The following CAST variants were observed in gnomAD, a reference collection of about 807,000 sequenced individuals.
The protein encoded by CAST is calpastatin.
CAST carries 76 observed loss-of-function variants against 119.6 expected under a neutral mutation model. The observed-to-expected ratio is 0.64, with a 90% CI of 0.53 to 0.77. CAST has a LOEUF of 0.77. Ranked by LOEUF, CAST falls within the 30% of genes least tolerant of loss-of-function variation. The pLI, the probability that CAST is intolerant of heterozygous loss-of-function variation, is 0.00. For missense variants in CAST, 953 were observed against 946.5 expected, an observed-to-expected ratio of 1.01 and a Z score of -0.09; for synonymous variants, 319 against 331.6, an observed-to-expected ratio of 0.96 and a Z score of 0.41.
At chr5:96,737,613 T>C (rs1309247515) in intron 10 of CAST, among the ~76,000 whole-genome samples, 1 of 152,224 alleles carries the variant, frequency 6.6e-6, no homozygotes, top group Non-Finnish European at 1.5e-5. Flanking sequence ...TGTAGACTTG[T>C]TGAAACTGTG....
At chr5:96,716,895 T>G (rs1248657603) in intron 3 of CAST, among the ~76,000 whole-genome samples, 1 of 152,184 alleles carries the variant, frequency 6.6e-6, no homozygotes, top group Non-Finnish European at 1.5e-5. Flanking sequence ...GATAAGAAAC[T>G]AGATGCTCAG....
the CAST span, among the ~76,000 whole-genome samples, chr5:96,424,198 A>G: frequency 6.6e-6 from 1 of 152,208 alleles, no homozygotes; most frequent in African/African-American, 2.4e-5. Context: ...TAAGAAATCT[A>G]TAAATAACCA....
At chr5:96,526,921 GA>G (rs1209616507), upstream of CAST, among the ~76,000 whole-genome samples, 1 of 152,308 alleles carries the variant, frequency 6.6e-6, no homozygotes, top group East Asian at 1.9e-4. Flanking sequence ...GCAGGAGAAG[GA>G]GAAAAGGAAA....
chr5:96,489,191 T>C, the CAST span, among the ~76,000 whole-genome samples: 2 of 149,370 alleles, frequency 1.3e-5, no homozygotes, highest in African/African-American at 4.9e-5. Flanking sequence ...CAAACTCTTG[T>C]CTTGTTTTTT....
At chr5:96,447,306 C>A in the CAST span, among the ~76,000 whole-genome samples, 1 of 152,220 alleles carries the variant, frequency 6.6e-6, no homozygotes, top group African/African-American at 2.4e-5. Context: ...CTTGAGGAAG[C>A]TTAAACCCAT....
the CAST span, among the ~76,000 whole-genome samples, chr5:96,289,422 A>T: frequency 6.6e-6 from 1 of 152,130 alleles, no homozygotes; most frequent in African/African-American, 2.4e-5. Flanking sequence ...GCAAGAGATA[A>T]TTGAATCATG....
At chr5:96,735,624 A>G (rs1290034944) in intron 9 of CAST, among the ~76,000 whole-genome samples, 1 of 152,236 alleles carries the variant, frequency 6.6e-6, no homozygotes, top group African/African-American at 2.4e-5. Flanking sequence ...TCCAAGGGTC[A>G]AATTTCAGAG....
At chr5:96,017,614 CTT>C in the CAST span, among the ~76,000 whole-genome samples, 10 of 152,268 alleles carry the variant, frequency 6.6e-5, no homozygotes, top group African/African-American at 1.9e-4. Context: ...TTATATAACA[CTT>C]GACATCATTA....
chr5:96,531,867 A>G (rs1745695645), intron 1 of CAST, among the ~76,000 whole-genome samples: 1 of 152,206 alleles, frequency 6.6e-6, no homozygotes, highest in Non-Finnish European at 1.5e-5. Context: ...TTAAAATGTG[A>G]CTTCAAAATA....
chr5:96,307,931 T>A, the CAST span, among the ~76,000 whole-genome samples: 1 of 152,182 alleles, frequency 6.6e-6, no homozygotes. Flanking sequence ...GTATGTGTCT[T>A]GGGATTGCTC....
chr5:96,544,076 T>G (rs1580817540), intron 1 of CAST, among the ~76,000 whole-genome samples: 1 of 152,202 alleles, frequency 6.6e-6, no homozygotes, highest in African/African-American at 2.4e-5. Flanking sequence ...AACTTTAGAA[T>G]TAGTGTGTCA....
chr5:96,411,787 C>T, the CAST span, among the ~76,000 whole-genome samples: 1 of 152,142 alleles, frequency 6.6e-6, no homozygotes, highest in Non-Finnish European at 1.5e-5. Context: ...ACCTCAGACC[C>T]AAATAGGGAA....
chr5:96,754,005 G>A (rs910387934), intron 20 of CAST, 55 bp from the exon 21 acceptor site: 7 of 998,966 alleles, frequency 7.0e-6, no homozygotes, highest in African/African-American at 1.6e-5. Flanking sequence ...GATAGCATAT[G>A]TTTTAAAGGG....
chr5:96,389,215 A>G, the CAST span, among the ~76,000 whole-genome samples: 4 of 152,184 alleles, frequency 2.6e-5, no homozygotes, highest in Admixed American at 6.5e-5. Context: ...AATGTATTAC[A>G]TACTGGAAAT....
chr5:96,426,901 T>C, the CAST span, among the ~76,000 whole-genome samples: 1 of 152,200 alleles, frequency 6.6e-6, no homozygotes, highest in African/African-American at 2.4e-5. Flanking sequence ...TGCAAACCTA[T>C]TAAAAATAAT....
chr5:96,553,754 C>T (rs1481335963), intron 1 of CAST, among the ~76,000 whole-genome samples: 4 of 152,158 alleles, frequency 2.6e-5, no homozygotes, highest in Non-Finnish European at 4.4e-5. Context: ...TTCCTATACA[C>T]CAATAACAGA....
chr5:96,410,939 C>A, the CAST span: 1 of 1,613,960 alleles, frequency 6.2e-7, no homozygotes, highest in Non-Finnish European at 8.5e-7. Context: ...CCTGACGCCC[C>A]CCGTTTCCCG....
the CAST span, among the ~76,000 whole-genome samples, chr5:95,974,856 T>G: frequency 6.6e-6 from 1 of 152,202 alleles, no homozygotes; most frequent in Non-Finnish European, 1.5e-5. Context: ...TTTTAAAATA[T>G]TGATAAGGGA....
the CAST span, among the ~76,000 whole-genome samples, chr5:96,049,433 A>C: frequency 3.9e-5 from 6 of 152,204 alleles, no homozygotes; most frequent in African/African-American, 1.4e-4. Context: ...TGATGAAAGG[A>C]GTCTGAATTA....
Sources: allele counts gnomAD v4.1 joint callset (sites outside exome capture counted in the v4.1 genomes callset), GRCh38; gene constraint gnomAD v4.1.1; transcripts MANE v1.5; gene names NCBI Gene and HGNC (gene_info 2026-07-23, HGNC 2026-07-21).